Variants in DGKH observed in about 807,000 individuals in gnomAD.
DGKH encodes DAG kinase eta.
DGKH carries 90 observed loss-of-function variants against 159.3 expected under a neutral mutation model. The observed-to-expected ratio is 0.57, with a 90% CI of 0.48 to 0.67. The LOEUF (loss-of-function observed/expected upper bound fraction) is 0.67, where lower values mean the gene tolerates loss of function less well. DGKH is among the 30% of genes least tolerant of loss of function. The probability of loss-of-function intolerance (pLI) is 0.00; values close to 1 mark genes in which losing one functional copy is unlikely to be tolerated. For synonymous variants in DGKH, 536 were observed against 553.8 expected (o/e 0.97, Z 0.45); for missense variants, 1,181 against 1,506.1 (o/e 0.78, Z 3.57).
chr13:42,107,522 T>G (rs548344527), intron 1 of DGKH, among the ~76,000 whole-genome samples: 4 of 152,184 alleles, frequency 2.6e-5, no homozygotes, highest in Non-Finnish European at 5.9e-5. Flanking sequence ...AGATCTGCCT[T>G]AAGGAAACAA....
rs199581251 is a variant in DGKH, at chr13:42,199,953, A to T, written c.2493+44A>T. 6 of 1,168,522 alleles carry T rather than the reference A, an allele frequency of 5.1e-6. No homozygotes were observed. In the South Asian group the frequency reaches 8.2e-5, roughly 16 times the overall value. The allele number at this position is 1,168,522 out of a possible 1,614,324, so 72.4% of individuals were successfully genotyped here. A position where few individuals can be genotyped will look rare whatever the true frequency, so the allele number is the denominator to read the frequency against. ...AAAGATATTTCATATTATCTTACTT[A>T]AAAAAAATATCGTTTTGGAGCTAAT... On this transcript the variant is annotated intron_variant, in intron 20 of 29. Coordinates refer to ENST00000337343, the MANE Select transcript of DGKH (RefSeq NM_178009.5).
intron 1 of DGKH, among the ~76,000 whole-genome samples, chr13:42,089,640 C>T (rs1326778486): frequency 6.6e-6 from 1 of 152,212 alleles, no homozygotes; most frequent in Admixed American, 6.5e-5. Context: ...TTTTTCCTCA[C>T]ACCACCATCT....
intron 1 of DGKH, among the ~76,000 whole-genome samples, chr13:42,092,898 C>CA (rs1191049330): frequency 4.6e-5 from 7 of 151,860 alleles, no homozygotes; most frequent in Non-Finnish European, 8.8e-5. Flanking sequence ...TGCAAAAGTA[C>CA]AAAAAAATTT....
chr13:42,246,381 G>A (rs1958579885), downstream of DGKH, among the ~76,000 whole-genome samples: 1 of 152,042 alleles, frequency 6.6e-6, no homozygotes, highest in Non-Finnish European at 1.5e-5. Context: ...CCCAGGAGTA[G>A]TTTGAGACCA....
rs1958483455 is a variant in DGKH, at chr13:42,239,773, T to G, written c.*10585T>G. 2 of 152,530 alleles carry G rather than the reference T, an allele frequency of 1.3e-5. No individual in the cohort carries two copies. Among genetic ancestry groups the G allele is most frequent in the South Asian group, 4.1e-4 (2 of 4,838 alleles). 9.4% of individuals were successfully genotyped at this position (152,530 alleles called of 1,614,324 possible). A position where few individuals can be genotyped will look rare whatever the true frequency, so the allele number is the denominator to read the frequency against. On this transcript the variant is annotated 3_prime_UTR_variant, in exon 30 of 30. Transcript: ENST00000337343. Reference sequence around the variant, plus strand: ...GCTCTTTTTTCTCTAAATTACAGAATAGCAAACTAACTCCTAAGCAAGATG... The same window carrying G: ...GCTCTTTTTTCTCTAAATTACAGAAGAGCAAACTAACTCCTAAGCAAGATG...
At chr13:42,093,730 C>G (rs1031391127) in intron 1 of DGKH, among the ~76,000 whole-genome samples, 2 of 152,124 alleles carry the variant, frequency 1.3e-5, no homozygotes, top group African/African-American at 4.8e-5. Context: ...ACCTTGAAGG[C>G]ATTATGCTAA....
chr13:42,212,789 G>A (rs1200623926), intron 24 of DGKH, among the ~76,000 whole-genome samples: 1 of 152,210 alleles, frequency 6.6e-6, no homozygotes, highest in Non-Finnish European at 1.5e-5. Flanking sequence ...AGGGAGAAAT[G>A]TGGCCAAAGG....
At chr13:42,228,518 CA>C (rs899139203) in intron 29 of DGKH, among the ~76,000 whole-genome samples, 22 of 151,980 alleles carry the variant, frequency 1.4e-4, no homozygotes, top group Admixed American at 3.3e-4. Flanking sequence ...AATATTTTAG[CA>C]CAAGAAATGT....
intron 1 of DGKH, among the ~76,000 whole-genome samples, chr13:42,057,182 A>G (rs940706018): frequency 4.6e-5 from 7 of 152,194 alleles, no homozygotes; most frequent in Non-Finnish European, 1.0e-4. Flanking sequence ...TCACTTCTAT[A>G]AGGTAAGATG....
downstream of DGKH, among the ~76,000 whole-genome samples, chr13:42,243,461 AG>A: frequency 6.6e-6 from 1 of 152,342 alleles, no homozygotes; most frequent in East Asian, 1.9e-4. Context: ...ACTCGTTAAA[AG>A]TCCAGTGCAT....
At chr13:42,123,711 C>A (rs1319689894) in intron 1 of DGKH, among the ~76,000 whole-genome samples, 1 of 152,250 alleles carries the variant, frequency 6.6e-6, no homozygotes, top group East Asian at 1.9e-4. Context: ...TGAAGATGTG[C>A]ACATGAAAAA....
chr13:42,231,047 A>G lies in DGKH; in HGVS notation c.*1859A>G, dbSNP rs1351756855. The G allele has an allele frequency of 1.3e-5, 2 of 152,196 alleles. No individual in the cohort carries two copies. The highest frequency in any genetic ancestry group is 2.9e-5 in the Non-Finnish European group (2 of 68,036). 9.4% of individuals were successfully genotyped at this position (152,196 alleles called of 1,614,324 possible). On this transcript the variant is annotated 3_prime_UTR_variant, in exon 30 of 30. Coordinates refer to ENST00000337343, the MANE Select transcript of DGKH (RefSeq NM_178009.5). ...AAATGGAAATTTTCCAAAGACAGTT[A>G]TATCAAGTAGTTTAAAAAGTCATGA... is the stretch of plus-strand genomic sequence containing the variant.
chr13:42,046,796 T>C (rs1360389984), upstream of DGKH, among the ~76,000 whole-genome samples: 1 of 152,228 alleles, frequency 6.6e-6, no homozygotes, highest in Non-Finnish European at 1.5e-5. Context: ...ATAAAGTGAA[T>C]AGAACATTAG....
At position 42,209,014 on chromosome 13, in the gene DGKH, A is replaced by G; in HGVS notation, c.2657A>G (p.Asp886Gly). The change falls in exon 22 of 30, where the codon GAT (aspartate) becomes GGT (glycine). Residue 886 changes from aspartate to glycine, a missense_variant. This residue lies in a region of DGKH where 335 missense variants were observed against 495.2 expected (regional missense o/e 0.68). Transcript: ENST00000337343. Reference sequence around the variant, plus strand: ...ATCCTGGAAGTTGTAGCAATATTTGATAGCATGCAAATGGCAGTTTCAAGG... The same window carrying G: ...ATCCTGGAAGTTGTAGCAATATTTGGTAGCATGCAAATGGCAGTTTCAAGG... The part of the protein sequence containing the change: ...DKILEVVAIF[D>G]SMQMAVSRVI... 2 of 1,613,152 alleles carry G rather than the reference A, an allele frequency of 1.2e-6. No individual in the cohort carries two copies. The highest frequency in any genetic ancestry group is 1.7e-6 in the Non-Finnish European group (2 of 1,179,528).
intron 14 of DGKH, among the ~76,000 whole-genome samples, chr13:42,188,482 T>C (rs1956981325): frequency 6.6e-6 from 1 of 152,156 alleles, no homozygotes; most frequent in Admixed American, 6.6e-5. Context: ...AAACCAAAGC[T>C]TTGAAGGGGA....
chr13:42,065,833 T>C (rs1882526218), intron 1 of DGKH, among the ~76,000 whole-genome samples: 1 of 152,162 alleles, frequency 6.6e-6, no homozygotes, highest in East Asian at 1.9e-4. Context: ...TGATAAAGCT[T>C]GGGGAGCTTG....
chr13:42,183,528 C>G (rs1334322108), intron 13 of DGKH, among the ~76,000 whole-genome samples: 1 of 152,094 alleles, frequency 6.6e-6, no homozygotes, highest in Non-Finnish European at 1.5e-5. Context: ...AATATTAAGG[C>G]AAAATGTTTA....
chr13:42,181,276 C>CAAAA lies in DGKH; in HGVS notation c.1538+3077_1538+3080dup, dbSNP rs34220072. ...TGGGCCACAGAGCGAGACTCTGTCT[C>CAAAA]AAAAAAAAAAAAAAAAAAAAAAAAG... On this transcript the variant is annotated intron_variant, in intron 13 of 29. Transcript: ENST00000337343. Among the ~76,000 whole-genome samples, 535 of 81,170 alleles carry CAAAA rather than the reference C, an allele frequency of 6.6e-3. 21 individuals carry two copies. The highest frequency in any genetic ancestry group is 0.019 in the East Asian group (40 of 2,056). 53.3% of individuals were successfully genotyped at this position (81,170 alleles called of 152,430 possible).
At chr13:42,108,851 G>GAAGGAAAGGA (rs3039218) in intron 1 of DGKH, among the ~76,000 whole-genome samples, 10 of 151,492 alleles carry the variant, frequency 6.6e-5, no homozygotes, top group Middle Eastern at 3.5e-3. Flanking sequence ...CAGTAAGGCT[G>GAAGGAAAGGA]AAGGAAAGGA....
Sources: gnomAD v4.1 joint callset for allele counts (sites outside exome capture counted in the v4.1 genomes callset) on GRCh38, gnomAD v4.1.1 for gene constraint, gnomAD v4.1.1 regional missense constraint, MANE v1.5 for transcripts, NCBI Gene and HGNC (gene_info 2026-07-23, HGNC 2026-07-21) for gene names.